OPCML: variants seen among roughly 807,000 people sequenced by gnomAD.
OPCML encodes opioid-binding protein/cell adhesion molecule.
Under a neutral mutation model 37.8 loss-of-function variants are expected in OPCML, and 13 were observed. The observed-to-expected ratio is 0.34, with a 90% CI of 0.22 to 0.55. The LOEUF is 0.55. OPCML is among the 20% of genes least tolerant of loss of function. The pLI, the probability that OPCML is intolerant of heterozygous loss-of-function variation, is 0.91. For synonymous variants in OPCML, 176 were observed against 168.8 expected (o/e 1.04, Z -0.33); for missense variants, 341 against 435.6 (o/e 0.78, Z 1.93).
rs141343748 is a variant in OPCML at position 133,250,535 on chromosome 11, GGGAA to G, written c.61+281725_61+281728del. Among the ~76,000 whole-genome samples, 215 of 129,446 alleles carry G rather than the reference GGGAA, an allele frequency of 1.7e-3. 1 individual carries two copies. Among genetic ancestry groups the G allele is most frequent in the South Asian group, 0.011 (40 of 3,612 alleles). 84.9% of individuals were successfully genotyped at this position (129,446 alleles called of 152,430 possible). ...GAGAGGGAGGGAAGGGAGGGAGGGA[GGGAA>G]GGAAGGAAGGAAGGAAGGAGGGAGG... is the stretch of plus-strand genomic sequence containing the variant. On this transcript the variant is annotated intron_variant, in intron 1 of 7. Transcript: ENST00000524381.
chr11:132,534,190 G>C (rs2096334074), intron 3 of OPCML, among the ~76,000 whole-genome samples: 1 of 151,942 alleles, frequency 6.6e-6, no homozygotes, highest in South Asian at 2.1e-4. Flanking sequence ...AGAAGTCTTT[G>C]CTAATGACCC....
At chr11:132,682,055 C>T (rs1942968602) in intron 2 of OPCML, among the ~76,000 whole-genome samples, 1 of 152,194 alleles carries the variant, frequency 6.6e-6, no homozygotes, top group Non-Finnish European at 1.5e-5. Context: ...AACACGTGCC[C>T]TCTGGGGCTT....
intron 1 of OPCML, among the ~76,000 whole-genome samples, chr11:133,228,530 G>C (rs1387174025): frequency 2.0e-5 from 3 of 152,244 alleles, no homozygotes; most frequent in African/African-American, 7.2e-5. Flanking sequence ...GCCACAAGCC[G>C]AGGTGCCCGC....
Position 133,505,568 on chromosome 11 carries a change from C to A in OPCML, c.61+26696G>T, listed in dbSNP as rs937479119. 5.3e-5 allele frequency among the ~76,000 whole-genome samples: 8 copies of A among 152,308 alleles called. No homozygotes were observed. The East Asian group carries it at 1.5e-3, about 29-fold the overall frequency. On this transcript the variant is annotated intron_variant, in intron 1 of 7. Coordinates refer to ENST00000524381, the MANE Select transcript of OPCML (RefSeq NM_001012393.5). Reference sequence around the variant, plus strand: ...CCCCCACACCATCTTCCACTGACACCTCAGACTTCATCCCAGAAACCTGGT... The same window carrying A: ...CCCCCACACCATCTTCCACTGACACATCAGACTTCATCCCAGAAACCTGGT...
chr11:133,258,973 A>C (rs1320364577), intron 1 of OPCML, among the ~76,000 whole-genome samples: 1 of 152,228 alleles, frequency 6.6e-6, no homozygotes, highest in African/African-American at 2.4e-5. Flanking sequence ...TGAAACCTCA[A>C]GGCCCGGGCA....
intron 1 of OPCML, among the ~76,000 whole-genome samples, chr11:133,249,910 G>A (rs934476319): frequency 1.3e-5 from 2 of 152,204 alleles, no homozygotes; most frequent in African/African-American, 4.8e-5. Context: ...TGGACGATGG[G>A]AGAAGCTAGA....
At chr11:133,029,969 A>G (rs919575295) in intron 1 of OPCML, among the ~76,000 whole-genome samples, 1 of 152,192 alleles carries the variant, frequency 6.6e-6, no homozygotes, top group Admixed American at 6.5e-5. Context: ...AGGTGAAGTA[A>G]CTTGGTCAAG....
rs4936172 is a variant in OPCML at position 132,551,853 on chromosome 11, C to T, written c.380-22667G>A. Among the ~76,000 whole-genome samples, 138 of 152,190 alleles carry T rather than the reference C, an allele frequency of 9.1e-4. 2 individuals are homozygous for T. The East Asian group carries it at 0.012, about 13-fold the overall frequency. ...CTGGTTTCCTGCACAGCCGGCTCTG[C>T]GTGAATTACTCTTTCTCTCTTGCAA... On this transcript the variant is annotated intron_variant, in intron 3 of 7. Coordinates refer to ENST00000524381, the MANE Select transcript of OPCML (RefSeq NM_001012393.5).
intron 3 of OPCML, among the ~76,000 whole-genome samples, chr11:132,603,901 T>C (rs1938092499): frequency 6.6e-6 from 1 of 152,162 alleles, no homozygotes; most frequent in Non-Finnish European, 1.5e-5. Flanking sequence ...CAGCTTCCAA[T>C]TCCTCCCTGA....
chr11:132,560,678 T>C lies in OPCML; in HGVS notation c.380-31492A>G, dbSNP rs148493351. 6.6e-4 allele frequency among the ~76,000 whole-genome samples: 100 copies of C among 152,338 alleles called. 1 individual carries two copies. Among genetic ancestry groups the C allele is most frequent in the African/African-American group, 2.2e-3 (91 of 41,590 alleles). The stretch of plus-strand genomic sequence containing the variant: ...GTTTTGATTTACATTTCCCTGATCG[T>C]TAGTGACGTGGAGCATTTTTCCATA... On this transcript the variant is annotated intron_variant, in intron 3 of 7. Coordinates refer to ENST00000524381, the MANE Select transcript of OPCML (RefSeq NM_001012393.5).
chr11:133,123,570 T>C (rs1592022933), intron 1 of OPCML, among the ~76,000 whole-genome samples: 1 of 152,120 alleles, frequency 6.6e-6, no homozygotes, highest in East Asian at 1.9e-4. Flanking sequence ...CTCCCTCCCC[T>C]GAAGCTGTTT....
At chr11:133,419,161 T>A (rs76608581) in intron 1 of OPCML, 1 of 760,266 alleles carries the variant, frequency 1.3e-6, no homozygotes. Flanking sequence ...CCTTCTCTAC[T>A]GCAATAGCAC....
chr11:132,646,988 C>T (rs1941183857), intron 3 of OPCML, among the ~76,000 whole-genome samples: 1 of 152,146 alleles, frequency 6.6e-6, no homozygotes, highest in Non-Finnish European at 1.5e-5. Context: ...AGTTTAAGGA[C>T]AGACCCTGAC....
intron 2 of OPCML, among the ~76,000 whole-genome samples, chr11:132,670,143 C>T (rs932393798): frequency 1.3e-5 from 2 of 152,156 alleles, no homozygotes; most frequent in Non-Finnish European, 2.9e-5. Context: ...ATTATCCTGA[C>T]ATATTTACTC....
intron 1 of OPCML, among the ~76,000 whole-genome samples, chr11:133,526,743 C>T (rs1309922558): frequency 6.6e-6 from 1 of 152,148 alleles, no homozygotes; most frequent in Non-Finnish European, 1.5e-5. Context: ...CAAGGCTTTG[C>T]AGATAAGTAG....
At chr11:133,055,446 T>A (rs1392635195) in intron 1 of OPCML, among the ~76,000 whole-genome samples, 1 of 148,652 alleles carries the variant, frequency 6.7e-6, no homozygotes, top group Non-Finnish European at 1.5e-5. Context: ...TACTTCCAAG[T>A]GGTGAGACTT....
At chr11:133,059,951 A>G (rs1410793089) in intron 1 of OPCML, among the ~76,000 whole-genome samples, 2 of 152,162 alleles carry the variant, frequency 1.3e-5, no homozygotes, top group African/African-American at 4.8e-5. Flanking sequence ...ATCAGCTACT[A>G]TTATCTTTAC....
At chr11:132,885,168 A>G (rs1943363830) in intron 2 of OPCML, among the ~76,000 whole-genome samples, 1 of 152,232 alleles carries the variant, frequency 6.6e-6, no homozygotes, top group Admixed American at 6.5e-5. Flanking sequence ...CTCTTCTTAA[A>G]TGGACTGTGT....
chr11:132,693,817 T>C (rs1943496829), intron 2 of OPCML, among the ~76,000 whole-genome samples: 3 of 152,178 alleles, frequency 2.0e-5, no homozygotes, highest in Admixed American at 6.5e-5. Context: ...CTTTCTCTTT[T>C]ATTGGGCTAG....
Sources: allele counts gnomAD v4.1 joint callset (sites outside exome capture counted in the v4.1 genomes callset), GRCh38; gene constraint gnomAD v4.1.1; transcripts MANE v1.5; gene names NCBI Gene and HGNC (gene_info 2026-07-23, HGNC 2026-07-21).